RAD50: variants seen among roughly 807,000 people sequenced by gnomAD.
The protein encoded by RAD50 is DNA repair protein RAD50.
In RAD50, 132 loss-of-function variants were observed where a neutral mutation model predicts 168.8. That is an observed-to-expected ratio of 0.78 (90% CI 0.68 to 0.90). The LOEUF (loss-of-function observed/expected upper bound fraction) is 0.90, where lower values mean the gene tolerates loss of function less well. RAD50 is among the 40% of genes least tolerant of loss of function. The pLI, the probability that RAD50 is intolerant of heterozygous loss-of-function variation, is 0.00. For synonymous variants in RAD50, 525 were observed against 497.4 expected (o/e 1.06, Z -0.74); for missense variants, 1,347 against 1,534.4 (o/e 0.88, Z 2.04).
In RAD50 at chr5:132,576,003, A is replaced by T. The variant is rs1231641153; in HGVS notation, c.365+75A>T. 11 of 1,405,080 alleles carry T rather than the reference A, an allele frequency of 7.8e-6. No individual in the cohort carries two copies. The East Asian group carries it at 1.6e-4, about 21-fold the overall frequency. 87.0% of individuals were successfully genotyped at this position (1,405,080 alleles called of 1,614,324 possible). A position where few individuals can be genotyped will look rare whatever the true frequency, so the allele number is the denominator to read the frequency against. On this transcript the variant is annotated intron_variant, in intron 3 of 24. Transcript: ENST00000378823. Reference sequence around the variant, plus strand: ...GTCTGTAAGTTGATGGTTGTTTTCTACTATAAGTTTAGGGGAGCATATTAA... The same window carrying T: ...GTCTGTAAGTTGATGGTTGTTTTCTTCTATAAGTTTAGGGGAGCATATTAA...
At chr5:132,623,717 T>C (rs2149856417) in intron 21 of RAD50, among the ~76,000 whole-genome samples, 1 of 152,336 alleles carries the variant, frequency 6.6e-6, no homozygotes, top group Non-Finnish European at 1.5e-5. Context: ...GTGGTTGTTT[T>C]TTCCAGAATG....
chr5:132,587,402 T>C (rs1403302006), intron 5 of RAD50, among the ~76,000 whole-genome samples, 160 bp from the exon 6 acceptor site: 1 of 152,246 alleles, frequency 6.6e-6, no homozygotes, highest in African/African-American at 2.4e-5. Context: ...TTAATGTCTC[T>C]GAACTTCAGT....
chr5:132,585,573 T>C (rs1750581595), intron 5 of RAD50, among the ~76,000 whole-genome samples: 2 of 151,700 alleles, frequency 1.3e-5, no homozygotes. Flanking sequence ...GTCATTTTAT[T>C]ATTGAGCTGT....
Position 132,576,320 on chromosome 5 carries a change from G to A in RAD50, c.365+392G>A, listed in dbSNP as rs113639329. Among the ~76,000 whole-genome samples the A allele has an allele frequency of 1.7e-3, 262 of 152,306 alleles. 2 individuals carry two copies. The highest frequency in any genetic ancestry group is 6.2e-3 in the African/African-American group (257 of 41,564). On this transcript the variant is annotated intron_variant, in intron 3 of 24. Transcript: ENST00000378823. ...AATGAGTAAAAAATTCTAGTGTCAT[G>A]TTTAAGAATGGGTGAGATGAGAAGC...
intron 12 of RAD50, chr5:132,595,347 G>A (rs1414297973): frequency 1.6e-5 from 8 of 515,662 alleles, no homozygotes; most frequent in Non-Finnish European, 2.3e-5. Context: ...TAGGCATTTT[G>A]TTATACTTAT....
intron 5 of RAD50, among the ~76,000 whole-genome samples, chr5:132,586,331 C>G (rs981667445): frequency 2.6e-5 from 4 of 152,248 alleles, no homozygotes; most frequent in African/African-American, 2.4e-5. Flanking sequence ...GAATTTCCTG[C>G]TTAGTATATA....
At chr5:132,590,248 T>A (rs1750674554) in intron 9 of RAD50, among the ~76,000 whole-genome samples, 1 of 152,178 alleles carries the variant, frequency 6.6e-6, no homozygotes, top group African/African-American at 2.4e-5. Context: ...GGCAGGCAGA[T>A]AACGTGAGGT....
At position 132,618,293 on chromosome 5, in the gene RAD50, CA is replaced by C; in HGVS notation, c.3389del (p.Ala1131GlnfsTer2). On this transcript the variant is annotated frameshift_variant and splice_region_variant, in exon 21 of 25. Coordinates refer to ENST00000378823, the MANE Select transcript of RAD50 (RefSeq NM_005732.4). LOFTEE classifies it high-confidence loss of function. ...DLDIYYKTLD[Q>X]AIMKFHSMKM... is the part of the protein sequence containing the mutation. ...GGATATTTATTATAAGACTCTTGAC[CA>C]GTAAGTATTAGACTGGGGATTTTCT... 6.2e-7 allele frequency: 1 copy of C among 1,613,906 alleles called. No individual in the cohort carries two copies. Among genetic ancestry groups the C allele is most frequent in the Non-Finnish European group, 8.5e-7 (1 of 1,179,934 alleles).
At chr5:132,577,163 T>C (rs928092913) in intron 3 of RAD50, among the ~76,000 whole-genome samples, 1 of 152,218 alleles carries the variant, frequency 6.6e-6, no homozygotes, top group Admixed American at 6.5e-5. Context: ...GTTCTTTCCG[T>C]CTTTTAGAGG....
chr5:132,637,816 GC>G (rs1217979845), intron 22 of RAD50, among the ~76,000 whole-genome samples: 1 of 152,180 alleles, frequency 6.6e-6, no homozygotes, highest in Non-Finnish European at 1.5e-5. Context: ...ACAGGCGTGA[GC>G]CACCGCGCCT....
intron 8 of RAD50, among the ~76,000 whole-genome samples, chr5:132,589,338 A>G (rs1312697045): frequency 2.0e-5 from 3 of 152,218 alleles, no homozygotes; most frequent in Non-Finnish European, 2.9e-5. Context: ...TACAGTTGCC[A>G]AAGTATTCAG....
In RAD50 at chr5:132,600,976, G is replaced by T. The variant is rs139392093; in HGVS notation, c.2208-2324G>T. 3.2e-3 allele frequency among the ~76,000 whole-genome samples: 486 copies of T among 152,016 alleles called. 6 individuals carry two copies. The highest frequency in any genetic ancestry group is 0.011 in the African/African-American group (466 of 41,432). The stretch of plus-strand genomic sequence containing the variant: ...AATTTTAAAAAACCTTGTGAATCGT[G>T]AGAAAAATTAACTCTTGAAAATAAA... On this transcript the variant is annotated intron_variant, in intron 13 of 24. Transcript: ENST00000378823.
intron 13 of RAD50, among the ~76,000 whole-genome samples, chr5:132,598,750 C>G (rs1750837071): frequency 6.6e-6 from 1 of 152,180 alleles, no homozygotes; most frequent in Non-Finnish European, 1.5e-5. Flanking sequence ...AGCACAGTGA[C>G]TGGGTTACTA....
At chr5:132,568,864 G>A (rs376599750) in intron 2 of RAD50, among the ~76,000 whole-genome samples, 12 of 152,286 alleles carry the variant, frequency 7.9e-5, no homozygotes, top group East Asian at 7.7e-4. Flanking sequence ...GGAAAATGTC[G>A]AAAATGATTG....
At chr5:132,626,248 G>C (rs1751370406) in intron 21 of RAD50, among the ~76,000 whole-genome samples, 1 of 152,080 alleles carries the variant, frequency 6.6e-6, no homozygotes, top group Non-Finnish European at 1.5e-5. Context: ...GAACAGTGCT[G>C]CAATAAATAT....
At position 132,594,859 on chromosome 5, in the gene RAD50, C is replaced by T; in HGVS notation, c.1794-10C>T. 3 of 1,594,628 alleles carry T rather than the reference C, an allele frequency of 1.9e-6. No individual in the cohort carries two copies. Among genetic ancestry groups the T allele is most frequent in the Non-Finnish European group, 2.6e-6 (3 of 1,163,140 alleles). On this transcript the variant is annotated splice_polypyrimidine_tract_variant and intron_variant, in intron 11 of 24. Transcript: ENST00000378823. ...TTTAAAATGAAAATCCATATTTGCT[C>T]TTATTTTAGCAAGGAACTAGCTTCA...
At chr5:132,579,115 T>A (rs780037833) in intron 3 of RAD50, among the ~76,000 whole-genome samples, 1 of 152,230 alleles carries the variant, frequency 6.6e-6, no homozygotes, top group Non-Finnish European at 1.5e-5. Flanking sequence ...CTGAACTACT[T>A]TGTTTTACAT....
At chr5:132,575,992 G>A (rs1750393090) in intron 3 of RAD50, 64 bp downstream of exon 3, 1 of 1,446,542 alleles carries the variant, frequency 6.9e-7, no homozygotes, top group South Asian at 1.3e-5. Context: ...GTAAGTTGAT[G>A]GTTGTTTTCT....
intron 5 of RAD50, among the ~76,000 whole-genome samples, chr5:132,583,540 C>T (rs1321106436): frequency 6.6e-6 from 1 of 152,148 alleles, no homozygotes; most frequent in African/African-American, 2.4e-5. Context: ...CAGTCCTCTC[C>T]CCTGCTCCCA....
Sources: allele counts gnomAD v4.1 joint callset (sites outside exome capture counted in the v4.1 genomes callset), GRCh38; gene constraint gnomAD v4.1.1; transcripts MANE v1.5; gene names NCBI Gene and HGNC (gene_info 2026-07-23, HGNC 2026-07-21).